The following ZNF469 variants were observed in gnomAD, a reference collection of about 807,000 sequenced individuals.
ZNF469 encodes the protein zinc finger protein 469.
ZNF469 carries 1 observed loss-of-function variant against 1.0 expected under a neutral mutation model. The observed-to-expected ratio is 1.00, with a 90% CI of 0.35 to 4.73. ZNF469 has a LOEUF of 4.73. ZNF469 is among the 30% of genes most tolerant of loss of function. ZNF469 has a pLI of 0.16. For missense variants in ZNF469, 6,100 were observed against 5,356.3 expected, an observed-to-expected ratio of 1.14 and a Z score of -4.33; for synonymous variants, 2,703 against 2,363.4, an observed-to-expected ratio of 1.14 and a Z score of -4.17.
At chr16:88,334,611 A>C in the ZNF469 span, among the ~76,000 whole-genome samples, 1 of 152,248 alleles carries the variant, frequency 6.6e-6, no homozygotes, top group Non-Finnish European at 1.5e-5. Context: ...ACTGTGACCA[A>C]TTCATGTCCA....
At chr16:88,106,562 G>A in the ZNF469 span, among the ~76,000 whole-genome samples, 1 of 152,250 alleles carries the variant, frequency 6.6e-6, no homozygotes, top group Non-Finnish European at 1.5e-5. Flanking sequence ...GTGCCCACGT[G>A]TCTAGGCCAA....
At chr16:88,159,566 G>C in the ZNF469 span, among the ~76,000 whole-genome samples, 3 of 152,158 alleles carry the variant, frequency 2.0e-5, no homozygotes, top group African/African-American at 2.4e-5. Context: ...GGGTGGGAAG[G>C]AGCAGCCCTT....
Position 88,438,439 on chromosome 16 carries a change from T to A in ZNF469, c.10969T>A (p.Ser3657Thr). The A allele has an allele frequency of 6.5e-7, 1 of 1,549,988 alleles. No homozygotes were observed. Among genetic ancestry groups the A allele is most frequent in the Non-Finnish European group, 8.7e-7 (1 of 1,146,918 alleles). Reference protein sequence around the residue: ...EKEVSSSHMVSEGGPRGAFHK... With the variant: ...EKEVSSSHMVTEGGPRGAFHK... ...GGAGGTGTCCTCAAGCCACATGGTG[T>A]CTGAGGGGGGGCCCCGAGGCGCCTT... The change falls in exon 3 of 3, where the codon TCT becomes ACT. Residue 3657 changes from serine (S) to threonine (T), a missense_variant. Transcript: ENST00000565624.
Position 88,435,759 on chromosome 16 carries a change from G to A in ZNF469, c.8289G>A (p.Ala2763=), listed in dbSNP as rs756963806. The A allele has an allele frequency of 9.0e-6, 14 of 1,550,812 alleles. No homozygotes were observed. Among genetic ancestry groups the A allele is most frequent in the African/African-American group, 6.8e-5 (5 of 73,186 alleles). ...TCTGGGGACCAAGAGAGACCAAGGC[G>A]TTGGGTGTGTGCAAAGAGTCTGGGA... The part of the protein sequence containing the change: ...RGFWGPRETK[A]LGVCKESGSE... The change falls in exon 3 of 3, where the codon GCG becomes GCA. Residue 2763 remains alanine (A), a synonymous_variant. Transcript: ENST00000565624.
chr16:88,397,200 C>T (rs1451758307), intron 1 of ZNF469, among the ~76,000 whole-genome samples: 1 of 152,256 alleles, frequency 6.6e-6, no homozygotes, highest in African/African-American at 2.4e-5. Context: ...CTATGAGTTC[C>T]AGCAAAGGAC....
chr16:88,244,815 A>G, the ZNF469 span, among the ~76,000 whole-genome samples: 5 of 147,842 alleles, frequency 3.4e-5, no homozygotes, highest in East Asian at 7.9e-4. Context: ...TGCATATTAT[A>G]TGCCCAGTGG....
At chr16:88,371,962 AT>A in the ZNF469 span, among the ~76,000 whole-genome samples, 3 of 147,238 alleles carry the variant, frequency 2.0e-5, no homozygotes, top group African/African-American at 5.1e-5. Flanking sequence ...CACCACCATC[AT>A]CACCATCACC....
the ZNF469 span, among the ~76,000 whole-genome samples, chr16:88,320,242 T>C: frequency 6.6e-6 from 1 of 152,232 alleles, no homozygotes; most frequent in Non-Finnish European, 1.5e-5. Context: ...GTTTTAAATG[T>C]CATCTTCAGA....
the ZNF469 span, among the ~76,000 whole-genome samples, chr16:88,188,358 C>T: frequency 1.1e-4 from 16 of 152,148 alleles, no homozygotes; most frequent in South Asian, 2.1e-4. Context: ...TCCTTAGTGT[C>T]TGTGTAGACC....
the ZNF469 span, among the ~76,000 whole-genome samples, chr16:88,261,674 C>G: frequency 1.3e-5 from 2 of 152,120 alleles, no homozygotes; most frequent in Non-Finnish European, 2.9e-5. This position sits in a 1 kb window ranked among gnomAD's most constrained non-coding sequence, Gnocchi z 6.0. Context: ...AGAAAGTCCA[C>G]CAGCCGCTCC....
the ZNF469 span, among the ~76,000 whole-genome samples, chr16:88,353,711 G>A: frequency 6.6e-6 from 1 of 152,248 alleles, no homozygotes; most frequent in Non-Finnish European, 1.5e-5. Flanking sequence ...GGGCCTTGCA[G>A]GTGTAATTTG....
chr16:88,427,562 C>T lies in ZNF469; in HGVS notation c.92C>T (p.Ser31Phe). The change falls in exon 3 of 3, where the codon TCC becomes TTC. Residue 31 changes from serine to phenylalanine, a missense_variant. Ser to Phe is a radical substitution (Grantham distance 155). Transcript: ENST00000565624. ...RQVASSPGHP[S>F]QPPLEDNTPA... ...GTTGCCAGCAGCCCGGGGCACCCCTCCCAGCCGCCACTGGAGGACAACACC... is the reference window on the plus strand; with the variant it reads ...GTTGCCAGCAGCCCGGGGCACCCCTTCCAGCCGCCACTGGAGGACAACACC... 2 of 1,537,066 alleles carry T rather than the reference C, an allele frequency of 1.3e-6. No homozygotes were observed. Among genetic ancestry groups the T allele is most frequent in the South Asian group, 2.4e-5 (2 of 84,006 alleles).
the ZNF469 span, among the ~76,000 whole-genome samples, chr16:88,156,915 C>T: frequency 1.3e-5 from 2 of 152,168 alleles, no homozygotes; most frequent in South Asian, 4.1e-4. Context: ...TCTGTCTTTT[C>T]ACAGAGATGG....
the ZNF469 span, among the ~76,000 whole-genome samples, chr16:88,132,348 C>T: frequency 6.6e-6 from 1 of 152,242 alleles, no homozygotes; most frequent in Admixed American, 6.5e-5. Context: ...GACTGGCTGC[C>T]CAGAAGAGAG....
intron 2 of ZNF469, among the ~76,000 whole-genome samples, chr16:88,426,918 C>A (rs1168458102): frequency 1.3e-5 from 2 of 152,140 alleles, no homozygotes; most frequent in Non-Finnish European, 2.9e-5. Flanking sequence ...TCCACCTGGG[C>A]CCTCCTGGAC....
chr16:88,341,582 A>T, the ZNF469 span, among the ~76,000 whole-genome samples: 24 of 152,328 alleles, frequency 1.6e-4, no homozygotes, highest in Middle Eastern at 0.01. Context: ...GTTCCTAGCC[A>T]TCCTAACTCC....
the ZNF469 span, among the ~76,000 whole-genome samples, chr16:88,203,005 G>C: frequency 1.3e-5 from 2 of 152,226 alleles, no homozygotes; most frequent in African/African-American, 4.8e-5. Context: ...TCCAGGTACA[G>C]TGCTCAGTCA....
chr16:88,298,529 A>C, the ZNF469 span, among the ~76,000 whole-genome samples: 1 of 152,234 alleles, frequency 6.6e-6, no homozygotes, highest in Non-Finnish European at 1.5e-5. Context: ...CAGTTGTTTT[A>C]AGCTTTTCAC....
At chr16:88,185,538 C>T in the ZNF469 span, among the ~76,000 whole-genome samples, 24 of 123,266 alleles carry the variant, frequency 1.9e-4, no homozygotes, top group South Asian at 2.1e-3. Context: ...CAGACCCACA[C>T]CCACTCACAT....
Sources: allele counts gnomAD v4.1 joint callset (sites outside exome capture counted in the v4.1 genomes callset), GRCh38; gene constraint gnomAD v4.1.1; non-coding constraint Gnocchi (gnomAD v3.1); transcripts MANE v1.5; gene names NCBI Gene and HGNC (gene_info 2026-07-23, HGNC 2026-07-21).